Variants in CADPS2 observed in about 807,000 individuals in gnomAD.
CADPS2 encodes the protein calcium-dependent secretion activator 2.
In CADPS2, 93 loss-of-function variants were observed where a neutral mutation model predicts 172.5. The ratio of observed to expected loss-of-function variants is 0.54; its 90% CI spans 0.46 to 0.64. CADPS2 has a LOEUF of 0.64. Ranked by LOEUF, CADPS2 falls within the 30% of genes least tolerant of loss-of-function variation. CADPS2 has a pLI of 0.00. For missense variants in CADPS2, 1,420 were observed against 1,565.9 expected (o/e 0.91, Z 1.57); for synonymous variants, 546 against 555.2 (o/e 0.98, Z 0.23).
At chr7:122,423,133 T>C (rs1196747184) in intron 17 of CADPS2, among the ~76,000 whole-genome samples, 1 of 152,094 alleles carries the variant, frequency 6.6e-6, no homozygotes, top group African/African-American at 2.4e-5. Context: ...TTGGAAAGTC[T>C]AAATTTTTAT....
rs145587897 is a variant in CADPS2, at chr7:122,698,394, G to A, written c.454-34825C>T. On this transcript the variant is annotated intron_variant, in intron 2 of 29. Transcript: ENST00000449022. Reference sequence around the variant, plus strand: ...TGTGCTTTCTCCCCACCTCAACCACGGCTGTAATGAGAACTCCCTTCTTAA... The same window carrying A: ...TGTGCTTTCTCCCCACCTCAACCACAGCTGTAATGAGAACTCCCTTCTTAA... The A allele has an allele frequency of 3.3e-3, 5,394 of 1,613,830 alleles. 10 individuals are homozygous for A. Among genetic ancestry groups the A allele is most frequent in the Non-Finnish European group, 3.6e-3 (4,199 of 1,179,788 alleles).
chr7:122,791,458 C>T (rs900755951), intron 1 of CADPS2, among the ~76,000 whole-genome samples: 2 of 151,822 alleles, frequency 1.3e-5, no homozygotes, highest in African/African-American at 4.8e-5. Context: ...CTGAACTCAG[C>T]AAAGGATAAG....
chr7:122,606,968 T>C (rs558927471), intron 6 of CADPS2, among the ~76,000 whole-genome samples: 3 of 152,072 alleles, frequency 2.0e-5, no homozygotes, highest in Non-Finnish European at 4.4e-5. Flanking sequence ...CTGCTAAGAA[T>C]TCATCGGAGA....
intron 8 of CADPS2, among the ~76,000 whole-genome samples, chr7:122,544,289 T>C (rs1282750585): frequency 1.3e-5 from 2 of 152,130 alleles, no homozygotes; most frequent in Admixed American, 6.6e-5. Context: ...GTGACATACA[T>C]CATGGGCTAA....
intron 1 of CADPS2, among the ~76,000 whole-genome samples, chr7:122,822,110 G>A (rs993716437): frequency 1.3e-5 from 2 of 151,458 alleles, no homozygotes; most frequent in African/African-American, 2.4e-5. Context: ...ATATCTCCTG[G>A]TGCTATCCCC....
At chr7:122,621,773 A>G in intron 4 of CADPS2, 56 bp from the exon 5 acceptor site, 2 of 996,978 alleles carry the variant, frequency 2.0e-6, no homozygotes, top group Non-Finnish European at 3.0e-6. Flanking sequence ...CAATTTTATC[A>G]TACAAAATTG....
intron 1 of CADPS2, among the ~76,000 whole-genome samples, chr7:122,756,225 A>AAT (rs33914995): frequency 0.2 from 29,865 of 151,994 alleles, 3,041 homozygotes; most frequent in Middle Eastern, 0.3. Flanking sequence ...GGACTTAATT[A>AAT]ATATATATAT....
intron 1 of CADPS2, among the ~76,000 whole-genome samples, chr7:122,752,711 A>G (rs1434816400): frequency 6.6e-6 from 1 of 152,106 alleles, no homozygotes; most frequent in East Asian, 1.9e-4. Context: ...TATTGTCTTC[A>G]GAACTCTTTC....
intron 11 of CADPS2, among the ~76,000 whole-genome samples, chr7:122,483,177 T>C (rs903484261): frequency 3.3e-5 from 5 of 152,076 alleles, no homozygotes; most frequent in African/African-American, 1.2e-4. Context: ...AGCATTTTTA[T>C]GAAGAAAACT....
intron 9 of CADPS2, among the ~76,000 whole-genome samples, chr7:122,497,992 G>A (rs910742265): frequency 6.6e-6 from 1 of 152,050 alleles, no homozygotes; most frequent in Non-Finnish European, 1.5e-5. Context: ...ATCTCACTTG[G>A]TGGCCCAGGT....
At chr7:122,731,156 G>T (rs2091602284) in intron 2 of CADPS2, among the ~76,000 whole-genome samples, 1 of 151,324 alleles carries the variant, frequency 6.6e-6, no homozygotes, top group Non-Finnish European at 1.5e-5. Context: ...TTTATTCTTT[G>T]GAACCAAAGT....
At chr7:122,840,711 C>T (rs1325774965) in intron 1 of CADPS2, among the ~76,000 whole-genome samples, 2 of 152,014 alleles carry the variant, frequency 1.3e-5, no homozygotes, top group Non-Finnish European at 2.9e-5. Context: ...AGCCCAGAAA[C>T]TTGAGACTAG....
At chr7:122,439,664 TTCTC>T (rs3834344) in intron 16 of CADPS2, among the ~76,000 whole-genome samples, 39,507 of 151,898 alleles carry the variant, frequency 0.26, 5,466 homozygotes, top group East Asian at 0.35. Context: ...AACTTTATCA[TTCTC>T]TCTCTATCAA....
intron 27 of CADPS2, among the ~76,000 whole-genome samples, chr7:122,358,998 G>A (rs553175909): frequency 1.3e-5 from 2 of 152,182 alleles, no homozygotes; most frequent in Admixed American, 6.5e-5. Context: ...TATGTCTTTT[G>A]TCTTTAATAT....
intron 27 of CADPS2, among the ~76,000 whole-genome samples, chr7:122,346,662 C>A (rs78960414): frequency 0.028 from 4,266 of 152,102 alleles, 206 homozygotes; most frequent in African/African-American, 0.098. Context: ...TATGTACAGC[C>A]GAAGATGTGG....
chr7:122,645,679 A>ATATATATC (rs1554688673), intron 3 of CADPS2, among the ~76,000 whole-genome samples: 1 of 65,406 alleles, frequency 1.5e-5, no homozygotes, highest in Non-Finnish European at 3.1e-5. Flanking sequence ...ATATATATAT[A>ATATATATC]TATCTTGGGA....
At chr7:122,632,694 G>T (rs981987118) in intron 3 of CADPS2, among the ~76,000 whole-genome samples, 5 of 152,142 alleles carry the variant, frequency 3.3e-5, no homozygotes, top group African/African-American at 1.2e-4. Flanking sequence ...AATCTCTTTA[G>T]ATTAATTAGG....
chr7:122,760,835 A>G, intron 1 of CADPS2, among the ~76,000 whole-genome samples: 1 of 129,348 alleles, frequency 7.7e-6, no homozygotes, highest in African/African-American at 2.9e-5. Flanking sequence ...GGGGGGCGGG[A>G]TAGCATTTGG....
intron 2 of CADPS2, among the ~76,000 whole-genome samples, chr7:122,728,999 A>C: frequency 6.6e-6 from 1 of 151,204 alleles, no homozygotes; most frequent in East Asian, 2.0e-4. Context: ...CCATTACCCA[A>C]CCTCTCTTTA....
Sources: gnomAD v4.1 joint callset for allele counts (sites outside exome capture counted in the v4.1 genomes callset) on GRCh38, gnomAD v4.1.1 for gene constraint, MANE v1.5 for transcripts, NCBI Gene and HGNC (gene_info 2026-07-23, HGNC 2026-07-21) for gene names.